LYPD6B: variants seen among roughly 807,000 people sequenced by gnomAD.
The protein encoded by LYPD6B is ly6/PLAUR domain-containing protein 6B.
Under a neutral mutation model 22.8 loss-of-function variants are expected in LYPD6B, and 17 were observed. That is an observed-to-expected ratio of 0.75 (90% CI 0.51 to 1.12). LYPD6B has a LOEUF of 1.12. LYPD6B is among the 50% of genes most tolerant of loss of function. The probability of loss-of-function intolerance (pLI) is 0.00; values close to 1 mark genes in which losing one functional copy is unlikely to be tolerated. For synonymous variants in LYPD6B, 106 were observed against 91.6 expected (o/e 1.16, Z -0.90); for missense variants, 221 against 258.3 (o/e 0.86, Z 0.99).
chr2:149,130,440 A>G (rs1195740532), intron 1 of LYPD6B, among the ~76,000 whole-genome samples: 1 of 152,180 alleles, frequency 6.6e-6, no homozygotes, highest in South Asian at 2.1e-4. Context: ...GGCAAAAGCT[A>G]GTTTTTTATC....
In LYPD6B at chr2:149,190,413, C is replaced by T. The variant is rs144190633; in HGVS notation, c.78-14840C>T. 2.1e-3 allele frequency among the ~76,000 whole-genome samples: 325 copies of T among 152,214 alleles called. 3 individuals are homozygous for T. Among genetic ancestry groups the T allele is most frequent in the African/African-American group, 7.2e-3 (299 of 41,512 alleles). ...GCCAATGTATCATTGTACATGTATG[C>T]AAGTCTACCTGTAGAATAAAACTAG... On this transcript the variant is annotated intron_variant, in intron 3 of 6. Coordinates refer to ENST00000409642, the MANE Select transcript of LYPD6B (RefSeq NM_177964.5).
chr2:149,212,267 A>G (rs1272516402), intron 5 of LYPD6B, among the ~76,000 whole-genome samples: 1 of 148,832 alleles, frequency 6.7e-6, no homozygotes, highest in Non-Finnish European at 1.5e-5. Context: ...CTGTAGTCCC[A>G]GCTACTCAGG....
At chr2:149,155,289 G>GGACT (rs1689626122) in intron 2 of LYPD6B, among the ~76,000 whole-genome samples, 1 of 152,174 alleles carries the variant, frequency 6.6e-6, no homozygotes, top group Admixed American at 6.5e-5. Context: ...AAGCATTCAT[G>GGACT]GACTGTCTTA....
chr2:149,209,314 C>T (rs1693697392), intron 5 of LYPD6B, among the ~76,000 whole-genome samples: 1 of 152,010 alleles, frequency 6.6e-6, no homozygotes, highest in African/African-American at 2.4e-5. Flanking sequence ...CTCTCATCTT[C>T]AGACAGAAGA....
chr2:149,147,978 A>G (rs898894961), intron 2 of LYPD6B, among the ~76,000 whole-genome samples: 1 of 148,080 alleles, frequency 6.8e-6, no homozygotes, highest in East Asian at 1.9e-4. Context: ...GTTCTGAGCT[A>G]TGGGTAGTTT....
intron 2 of LYPD6B, among the ~76,000 whole-genome samples, chr2:149,159,189 C>T (rs572327082): frequency 1.3e-5 from 2 of 152,154 alleles, no homozygotes; most frequent in Admixed American, 1.3e-4. Context: ...ATTAATTACT[C>T]TCCTCTTCCT....
intron 3 of LYPD6B, among the ~76,000 whole-genome samples, chr2:149,161,093 C>G (rs889038161): frequency 1.3e-5 from 2 of 152,186 alleles, no homozygotes; most frequent in African/African-American, 4.8e-5. Context: ...AGATCAAAGA[C>G]TTCTCTGCTT....
intron 1 of LYPD6B, among the ~76,000 whole-genome samples, chr2:149,088,095 T>TCCCCCCCCCCCCCCCTTCCCTC (rs11462284): frequency 6.9e-6 from 1 of 144,548 alleles, no homozygotes; most frequent in Non-Finnish European, 1.5e-5. Context: ...CTCCTGTTGC[T>TCCCCCCCCCCCCCCCTTCCCTC]CCCCCCACCC....
intron 3 of LYPD6B, among the ~76,000 whole-genome samples, chr2:149,185,581 G>C (rs1692041561): frequency 6.6e-6 from 1 of 152,220 alleles, no homozygotes; most frequent in Non-Finnish European, 1.5e-5. Context: ...TTGGCAGAAA[G>C]GGAGGCAAAT....
intron 1 of LYPD6B, among the ~76,000 whole-genome samples, chr2:149,085,393 C>A (rs2105415107): frequency 6.6e-6 from 1 of 152,350 alleles, no homozygotes; most frequent in South Asian, 2.1e-4. Context: ...GCAGTAGGAA[C>A]CCAAACCCAA....
chr2:149,087,168 T>C (rs990849521), intron 1 of LYPD6B, among the ~76,000 whole-genome samples: 3 of 152,176 alleles, frequency 2.0e-5, no homozygotes, highest in African/African-American at 7.2e-5. Flanking sequence ...AAATCATGAA[T>C]ACACTTGTAA....
chr2:149,164,665 G>A (rs117474984), intron 3 of LYPD6B, among the ~76,000 whole-genome samples: 1 of 152,236 alleles, frequency 6.6e-6, no homozygotes, highest in East Asian at 1.9e-4. Context: ...CCCTACCTTG[G>A]TGCTGAAAGC....
chr2:149,091,131 G>T (rs1279035912), intron 1 of LYPD6B, among the ~76,000 whole-genome samples: 2 of 152,174 alleles, frequency 1.3e-5, no homozygotes, highest in East Asian at 3.9e-4. Flanking sequence ...GATTTACACT[G>T]AACTTTGCAA....
chr2:149,108,782 G>A (rs766242961), intron 1 of LYPD6B, among the ~76,000 whole-genome samples: 3 of 151,574 alleles, frequency 2.0e-5, no homozygotes, highest in Non-Finnish European at 4.4e-5. Context: ...TATTTTTCTG[G>A]CTTCTTTTGG....
chr2:149,050,671 T>G (rs1683509885), intron 1 of LYPD6B, among the ~76,000 whole-genome samples: 1 of 152,176 alleles, frequency 6.6e-6, no homozygotes, highest in African/African-American at 2.4e-5. Flanking sequence ...TACTGAGAAA[T>G]GTGCATTATA....
intron 1 of LYPD6B, among the ~76,000 whole-genome samples, chr2:149,064,325 G>C (rs934693063): frequency 2.2e-4 from 34 of 152,306 alleles, no homozygotes; most frequent in African/African-American, 7.9e-4. Flanking sequence ...ATGAATCAAT[G>C]ATTTACAAAG....
intron 5 of LYPD6B, among the ~76,000 whole-genome samples, chr2:149,209,138 G>A (rs1199206033): frequency 6.6e-6 from 1 of 152,182 alleles, no homozygotes; most frequent in Non-Finnish European, 1.5e-5. Context: ...ATATGCAGGA[G>A]CTTCTTTTTT....
At chr2:149,119,593 T>C (rs1687180972) in intron 1 of LYPD6B, among the ~76,000 whole-genome samples, 2 of 152,234 alleles carry the variant, frequency 1.3e-5, no homozygotes, top group Admixed American at 1.3e-4. Context: ...TTACATTGCC[T>C]TGGCTCCGGG....
chr2:149,120,735 C>G (rs570086177), intron 1 of LYPD6B, among the ~76,000 whole-genome samples: 18 of 140,300 alleles, frequency 1.3e-4, no homozygotes, highest in Admixed American at 1.0e-3. Context: ...AATATGTGTT[C>G]TATTTATCAT....
Sources: allele counts gnomAD v4.1 joint callset (sites outside exome capture counted in the v4.1 genomes callset), GRCh38; gene constraint gnomAD v4.1.1; transcripts MANE v1.5; gene names NCBI Gene and HGNC (gene_info 2026-07-23, HGNC 2026-07-21).